LPGAT1: variants seen among roughly 807,000 people sequenced by gnomAD.
LPGAT1 encodes the protein acyl-CoA:lysophosphatidylglycerol acyltransferase 1.
Under a neutral mutation model 47.5 loss-of-function variants are expected in LPGAT1, and 11 were observed. The ratio of observed to expected loss-of-function variants is 0.23; its 90% CI spans 0.15 to 0.38. The LOEUF is 0.38. LPGAT1 is among the 10% of genes least tolerant of loss of function. The pLI is 1.00. For synonymous variants in LPGAT1, 138 were observed against 144.2 expected, an observed-to-expected ratio of 0.96 and a Z score of 0.31; for missense variants, 293 against 439.0, an observed-to-expected ratio of 0.67 and a Z score of 2.97.
chr1:211,787,617 G>A lies in LPGAT1; in HGVS notation c.453+15C>T. On this transcript the variant is annotated intron_variant, in intron 4 of 7. Coordinates refer to ENST00000366997, the MANE Select transcript of LPGAT1 (RefSeq NM_014873.3). ...ACCAGGCTATCACTGCGGGGAAAAA[G>A]TGCTCATTACTTACCTGTCTTATAA... The A allele has an allele frequency of 7.1e-7, 1 of 1,415,234 alleles. No homozygotes were observed. Among genetic ancestry groups the A allele is most frequent in the Non-Finnish European group, 9.8e-7 (1 of 1,015,458 alleles). 87.7% of individuals were successfully genotyped at this position (1,415,234 alleles called of 1,614,324 possible).
chr1:211,761,332 T>C (rs938213108), intron 6 of LPGAT1, among the ~76,000 whole-genome samples: 1 of 152,212 alleles, frequency 6.6e-6, no homozygotes, highest in African/African-American at 2.4e-5. Context: ...TCATCATATA[T>C]CATTCTCTTC....
chr1:211,787,508 A>ACC, intron 4 of LPGAT1, 124 bp downstream of exon 4: 1 of 424,606 alleles, frequency 2.4e-6, no homozygotes, highest in Non-Finnish European at 4.3e-6. Context: ...AAAAAAAAAA[A>ACC]AGCTCCCTAA....
chr1:211,762,080 T>C (rs1426150622), intron 6 of LPGAT1, among the ~76,000 whole-genome samples: 1 of 152,228 alleles, frequency 6.6e-6, no homozygotes, highest in Non-Finnish European at 1.5e-5. Context: ...ATAAGATTAA[T>C]TTAGCTTCTG....
At chr1:211,752,776 T>C (rs925597804) in intron 6 of LPGAT1, among the ~76,000 whole-genome samples, 7 of 152,242 alleles carry the variant, frequency 4.6e-5, no homozygotes, top group African/African-American at 1.7e-4. Context: ...CTTCTACACT[T>C]TGGAATACTG....
At chr1:211,772,589 T>C (rs1324689702) in intron 6 of LPGAT1, among the ~76,000 whole-genome samples, 6 of 152,214 alleles carry the variant, frequency 3.9e-5, no homozygotes, top group Non-Finnish European at 8.8e-5. Context: ...AGGTCTTTCA[T>C]GTTTTTACAT....
At chr1:211,807,117 AT>A (rs1323407224) in intron 2 of LPGAT1, among the ~76,000 whole-genome samples, 2 of 152,334 alleles carry the variant, frequency 1.3e-5, no homozygotes, top group African/African-American at 2.4e-5. Context: ...ATATTTATTT[AT>A]ATGAGAAATG....
rs754927256 is a variant in LPGAT1, at chr1:211,744,083, C to A, written c.*5816G>T. ...TTCTTTCTGTCACATTCTTCTAAAT[C>A]AAAAGTTCGCTGTGTAGGACTGACA... On this transcript the variant is annotated 3_prime_UTR_variant, in exon 8 of 8. Transcript: ENST00000366997. 3 of 152,118 alleles carry A rather than the reference C, an allele frequency of 2.0e-5. No homozygotes were observed. Among genetic ancestry groups the A allele is most frequent in the Non-Finnish European group, 4.4e-5 (3 of 68,026 alleles). 9.4% of individuals were successfully genotyped at this position (152,118 alleles called of 1,614,324 possible).
rs1657023082 is a variant in LPGAT1 at position 211,748,213 on chromosome 1, A to C, written c.*1686T>G. On this transcript the variant is annotated 3_prime_UTR_variant, in exon 8 of 8. Transcript: ENST00000366997. The stretch of plus-strand genomic sequence containing the variant: ...CTCACATCACAGTAAACTACCACTG[A>C]CTTACTAGGATCTTAATAGTCTTAC... 1 of 152,640 alleles carries C rather than the reference A, an allele frequency of 6.6e-6. No homozygotes were observed. The highest frequency in any genetic ancestry group is 2.1e-4 in the South Asian group (1 of 4,836). 9.5% of individuals were successfully genotyped at this position (152,640 alleles called of 1,614,324 possible). A position where few individuals can be genotyped will look rare whatever the true frequency, so the allele number is the denominator to read the frequency against.
In LPGAT1 at chr1:211,753,529, GCTC is replaced by G. The variant is rs1657299514; in HGVS notation, c.855-2465_855-2463del. Reference sequence around the variant, plus strand: ...CTCAGGTCTTTTTAATTTTTAAAGAGCTCCTATTGTTCTCAGTCTTTTTTATAG... The same window carrying G: ...CTCAGGTCTTTTTAATTTTTAAAGAGCTATTGTTCTCAGTCTTTTTTATAG... On this transcript the variant is annotated intron_variant, in intron 6 of 7. Transcript: ENST00000366997. Among the ~76,000 whole-genome samples the G allele has an allele frequency of 5.9e-5, 9 of 151,616 alleles. No individual in the cohort carries two copies. In the South Asian group the frequency reaches 1.7e-3, roughly 28 times the overall value.
chr1:211,793,807 T>C lies in LPGAT1; in HGVS notation c.239-617A>G, dbSNP rs35060090. Among the ~76,000 whole-genome samples, 1,019 of 152,292 alleles carry C rather than the reference T, an allele frequency of 6.7e-3. 12 individuals carry two copies. Among genetic ancestry groups the C allele is most frequent in the African/African-American group, 0.023 (965 of 41,554 alleles). ...AGAAACTTGTTCAAATAAGCAAAGATATATGTATAAAGAATGTTTATCACA... is the reference window on the plus strand; with the variant it reads ...AGAAACTTGTTCAAATAAGCAAAGACATATGTATAAAGAATGTTTATCACA... On this transcript the variant is annotated intron_variant, in intron 2 of 7. Transcript: ENST00000366997.
intron 6 of LPGAT1, among the ~76,000 whole-genome samples, chr1:211,776,433 A>G (rs927720629): frequency 1.3e-5 from 2 of 152,230 alleles, no homozygotes; most frequent in Non-Finnish European, 2.9e-5. Context: ...GCTACTCGGG[A>G]GGCTGAGGCA....
chr1:211,796,982 G>A (rs1053254268), intron 2 of LPGAT1, among the ~76,000 whole-genome samples: 1 of 152,178 alleles, frequency 6.6e-6, no homozygotes, highest in African/African-American at 2.4e-5. Flanking sequence ...GTGGTCAGGT[G>A]TGGTGGCTCA....
chr1:211,782,510 T>G (rs1658682949), intron 5 of LPGAT1, among the ~76,000 whole-genome samples: 1 of 151,818 alleles, frequency 6.6e-6, no homozygotes, highest in Non-Finnish European at 1.5e-5. Flanking sequence ...AAGGCAGGAG[T>G]ATCACTTCAG....
At chr1:211,827,524 A>G (rs1660575774) in intron 2 of LPGAT1, among the ~76,000 whole-genome samples, 1 of 152,204 alleles carries the variant, frequency 6.6e-6, no homozygotes, top group South Asian at 2.1e-4. Flanking sequence ...AGCAGAATGA[A>G]CTTCTAGAAC....
chr1:211,802,588 T>C (rs922188096), intron 2 of LPGAT1, among the ~76,000 whole-genome samples: 1 of 151,368 alleles, frequency 6.6e-6, no homozygotes, highest in Non-Finnish European at 1.5e-5. Context: ...AACCGAGAGA[T>C]AAAGTTGAGA....
intron 5 of LPGAT1, among the ~76,000 whole-genome samples, chr1:211,782,204 G>A (rs1379310264): frequency 6.6e-6 from 1 of 152,104 alleles, no homozygotes; most frequent in East Asian, 1.9e-4. Context: ...TAACAGCTGT[G>A]TTGTATTCCG....
intron 6 of LPGAT1, among the ~76,000 whole-genome samples, chr1:211,757,256 A>C (rs1299453389): frequency 1.4e-5 from 2 of 147,686 alleles, no homozygotes; most frequent in Admixed American, 1.4e-4. Context: ...TTCTGTCTCA[A>C]AAAAAAAAAA....
intron 2 of LPGAT1, among the ~76,000 whole-genome samples, chr1:211,806,336 T>TAAA (rs949173594): frequency 1.5e-5 from 2 of 132,782 alleles, no homozygotes; most frequent in Non-Finnish European, 3.3e-5. Flanking sequence ...TCCACAGCAA[T>TAAA]AAAAAAAAAA....
chr1:211,758,609 A>C (rs1344940913), intron 6 of LPGAT1, among the ~76,000 whole-genome samples: 1 of 152,152 alleles, frequency 6.6e-6, no homozygotes, highest in Non-Finnish European at 1.5e-5. Flanking sequence ...AGGCTGAGGC[A>C]GGAGAATGGC....
Sources: gnomAD v4.1 joint callset for allele counts (sites outside exome capture counted in the v4.1 genomes callset) on GRCh38, gnomAD v4.1.1 for gene constraint, MANE v1.5 for transcripts, NCBI Gene and HGNC (gene_info 2026-07-23, HGNC 2026-07-21) for gene names.